TMCC1: variants seen among roughly 807,000 people sequenced by gnomAD.
TMCC1 encodes the protein transmembrane and coiled-coil domains protein 1.
In TMCC1, 15 loss-of-function variants were observed where a neutral mutation model predicts 52.4. The observed-to-expected ratio is 0.29, with a 90% CI of 0.19 to 0.44. The LOEUF is 0.44. TMCC1 is among the 20% of genes least tolerant of loss of function. The pLI is 1.00. For synonymous variants in TMCC1, 279 were observed against 301.9 expected (o/e 0.92, Z 0.79); for missense variants, 503 against 806.0 (o/e 0.62, Z 4.55).
intron 4 of TMCC1, among the ~76,000 whole-genome samples, chr3:129,786,304 T>C (rs2056028658): frequency 6.6e-6 from 1 of 152,174 alleles, no homozygotes. Context: ...CAACAAAATA[T>C]TATCTAGTGA....
At chr3:129,823,781 T>G (rs2058535443) in intron 4 of TMCC1, among the ~76,000 whole-genome samples, 1 of 152,192 alleles carries the variant, frequency 6.6e-6, no homozygotes, top group Non-Finnish European at 1.5e-5. Flanking sequence ...GTAGTGGACT[T>G]TGGATACTAA....
chr3:129,829,726 T>A (rs1457685024), intron 3 of TMCC1, among the ~76,000 whole-genome samples: 2 of 152,184 alleles, frequency 1.3e-5, no homozygotes, highest in Admixed American at 1.3e-4. Flanking sequence ...GCTCCTGTTC[T>A]GGGAATATGT....
chr3:129,853,785 C>T (rs1360433182), intron 2 of TMCC1, among the ~76,000 whole-genome samples: 1 of 151,832 alleles, frequency 6.6e-6, no homozygotes, highest in African/African-American at 2.4e-5. Context: ...CATGATCTTC[C>T]CCCAAAAAAA....
chr3:129,767,897 A>G (rs1279647299), intron 4 of TMCC1, among the ~76,000 whole-genome samples: 1 of 152,230 alleles, frequency 6.6e-6, no homozygotes, highest in Non-Finnish European at 1.5e-5. Flanking sequence ...TAAAAAATAA[A>G]TACATATTTC....
intron 2 of TMCC1, among the ~76,000 whole-genome samples, chr3:129,856,035 C>T (rs2060133288): frequency 6.6e-6 from 1 of 151,956 alleles, no homozygotes; most frequent in Non-Finnish European, 1.5e-5. Context: ...TTCCTGGTTT[C>T]GATATTATAC....
At chr3:129,747,841 T>C (rs1229048075) in intron 4 of TMCC1, among the ~76,000 whole-genome samples, 3 of 152,114 alleles carry the variant, frequency 2.0e-5, no homozygotes, top group Non-Finnish European at 4.4e-5. Flanking sequence ...GTGTCACCTG[T>C]CCGTACTCAC....
At chr3:129,682,114 T>C (rs1157317944) in intron 4 of TMCC1, among the ~76,000 whole-genome samples, 1 of 152,004 alleles carries the variant, frequency 6.6e-6, no homozygotes, top group Non-Finnish European at 1.5e-5. Context: ...TGACAAATTA[T>C]CTGGAAACAA....
Position 129,864,944 on chromosome 3 carries a change from T to C in TMCC1, c.-184+15365A>G, listed in dbSNP as rs932425379. On this transcript the variant is annotated intron_variant, in intron 2 of 6. Transcript: ENST00000393238. ...AACATTAATACAGTCATTTATCCAT[T>C]TGGCAAACTTTGAAATGCCTACTAG... Among the ~76,000 whole-genome samples the C allele has an allele frequency of 1.1e-4, 16 of 152,218 alleles. 1 individual carries two copies. The highest frequency in any genetic ancestry group is 2.9e-5 in the Non-Finnish European group (2 of 68,036).
chr3:129,708,027 C>A (rs576538957), intron 4 of TMCC1, among the ~76,000 whole-genome samples: 4 of 151,688 alleles, frequency 2.6e-5, no homozygotes, highest in African/African-American at 9.7e-5. Flanking sequence ...AAAAAAAAGT[C>A]CTAATTAAAA....
At chr3:129,885,700 A>G (rs1339575319) in intron 1 of TMCC1, among the ~76,000 whole-genome samples, 1 of 152,190 alleles carries the variant, frequency 6.6e-6, no homozygotes, top group Non-Finnish European at 1.5e-5. Context: ...AGATTACAGA[A>G]TGGGAATCCT....
At chr3:129,736,993 C>T (rs928306610) in intron 4 of TMCC1, among the ~76,000 whole-genome samples, 2 of 152,148 alleles carry the variant, frequency 1.3e-5, no homozygotes, top group African/African-American at 4.8e-5. Flanking sequence ...ATATGCAAAC[C>T]TAAACCACTT....
At chr3:129,759,987 C>G (rs904114654) in intron 4 of TMCC1, among the ~76,000 whole-genome samples, 1 of 151,848 alleles carries the variant, frequency 6.6e-6, no homozygotes. Flanking sequence ...TCCCAAAGTG[C>G]TAGGATTACA....
At chr3:129,700,037 A>C (rs1219842305) in intron 4 of TMCC1, among the ~76,000 whole-genome samples, 1 of 152,214 alleles carries the variant, frequency 6.6e-6, no homozygotes. Context: ...AGTTTACTTA[A>C]TATACCCTTA....
chr3:129,717,305 G>A (rs1397728271), intron 4 of TMCC1, among the ~76,000 whole-genome samples: 1 of 152,170 alleles, frequency 6.6e-6, no homozygotes, highest in Non-Finnish European at 1.5e-5. Context: ...CCTATCTGCA[G>A]CATTTGACAT....
At chr3:129,722,927 C>T (rs1286577263) in intron 4 of TMCC1, among the ~76,000 whole-genome samples, 1 of 152,188 alleles carries the variant, frequency 6.6e-6, no homozygotes, top group Non-Finnish European at 1.5e-5. Context: ...AATTCAATAT[C>T]AAACTTCACA....
At chr3:129,713,616 TGGA>T (rs973984742) in intron 4 of TMCC1, among the ~76,000 whole-genome samples, 18 of 149,204 alleles carry the variant, frequency 1.2e-4, no homozygotes, top group Non-Finnish European at 2.2e-4. Flanking sequence ...CTTGGAAGGC[TGGA>T]GGAGAACAGC....
chr3:129,831,007 T>C (rs2058882516), intron 3 of TMCC1, among the ~76,000 whole-genome samples: 1 of 152,214 alleles, frequency 6.6e-6, no homozygotes, highest in Admixed American at 6.5e-5. Flanking sequence ...CAATCTCAGC[T>C]CACTGCAGCC....
At chr3:129,699,939 C>CA (rs1295296168) in intron 4 of TMCC1, among the ~76,000 whole-genome samples, 7 of 151,894 alleles carry the variant, frequency 4.6e-5, no homozygotes, top group African/African-American at 1.7e-4. Context: ...TGAAACAAAA[C>CA]AAAAAAACCT....
At chr3:129,789,076 G>A (rs948875449) in intron 4 of TMCC1, among the ~76,000 whole-genome samples, 6 of 152,114 alleles carry the variant, frequency 3.9e-5, no homozygotes, top group African/African-American at 1.4e-4. Flanking sequence ...TTACATAAAA[G>A]CATAAGAAGG....
Sources: allele counts gnomAD v4.1 joint callset (sites outside exome capture counted in the v4.1 genomes callset), GRCh38; gene constraint gnomAD v4.1.1; transcripts MANE v1.5; gene names NCBI Gene and HGNC (gene_info 2026-07-23, HGNC 2026-07-21).